CEP89: variants seen among roughly 807,000 people sequenced by gnomAD.
CEP89 encodes centrosomal protein of 89 kDa.
In CEP89, 95 loss-of-function variants were observed where a neutral mutation model predicts 97.6. That is an observed-to-expected ratio of 0.97 (90% CI 0.82 to 1.15). The LOEUF (loss-of-function observed/expected upper bound fraction) is 1.15, where lower values mean the gene tolerates loss of function less well. Among genes scored for constraint, CEP89 ranks in the 50% most tolerant of loss-of-function variants. The pLI is 0.00. For missense variants in CEP89, 869 were observed against 947.7 expected, an observed-to-expected ratio of 0.92 and a Z score of 1.09; for synonymous variants, 354 against 349.1, an observed-to-expected ratio of 1.01 and a Z score of -0.16.
At chr19:32,921,017 A>G (rs1467479904) in intron 12 of CEP89, among the ~76,000 whole-genome samples, 1 of 151,648 alleles carries the variant, frequency 6.6e-6, no homozygotes, top group African/African-American at 2.4e-5. Flanking sequence ...CAGGAGTTGG[A>G]GACCAGCCTG....
At chr19:32,946,507 T>C (rs1216585394) in intron 5 of CEP89, among the ~76,000 whole-genome samples, 2 of 152,150 alleles carry the variant, frequency 1.3e-5, no homozygotes, top group Non-Finnish European at 2.9e-5. Flanking sequence ...ACTCTCTAAA[T>C]TGTTAAAAAT....
At chr19:32,945,828 C>A (rs181483132) in intron 5 of CEP89, among the ~76,000 whole-genome samples, 8 of 152,128 alleles carry the variant, frequency 5.3e-5, no homozygotes, top group Admixed American at 1.3e-4. Flanking sequence ...GGGTGGCCAG[C>A]AACATGCAGT....
chr19:32,913,050 T>C (rs947719445), intron 14 of CEP89, among the ~76,000 whole-genome samples: 3 of 146,478 alleles, frequency 2.0e-5, no homozygotes, highest in African/African-American at 7.5e-5. Flanking sequence ...CAAAAAAAAT[T>C]AAAAAAAATT....
chr19:32,956,993 A>C (rs1367066302), intron 3 of CEP89, among the ~76,000 whole-genome samples: 2 of 152,192 alleles, frequency 1.3e-5, no homozygotes, highest in Non-Finnish European at 2.9e-5. Context: ...TAATACTGCT[A>C]ATCAATATAG....
At position 32,966,177 on chromosome 19, in the gene CEP89, C is replaced by T. The variant is rs189962007; in HGVS notation, c.146+183G>A. 5.7e-4 allele frequency: 228 copies of T among 401,598 alleles called. 1 individual carries two copies. Among genetic ancestry groups the T allele is most frequent in the African/African-American group, 4.4e-3 (214 of 48,726 alleles). 24.9% of individuals were successfully genotyped at this position (401,598 alleles called of 1,614,324 possible). On this transcript the variant is annotated intron_variant, in intron 2 of 18. Transcript: ENST00000305768. ...CACCTGAAAAGGAGAGACCTCAAGT[C>T]AGTCCATTATCCTCAGAGACACCAT...
intron 4 of CEP89, 40 bp downstream of exon 4, chr19:32,953,574 AG>A: frequency 6.7e-7 from 1 of 1,492,208 alleles, no homozygotes; most frequent in Non-Finnish European, 9.1e-7. Flanking sequence ...AGTTAACATC[AG>A]GGTGAATGTC....
At chr19:32,944,615 G>A (rs754741899) in intron 5 of CEP89, among the ~76,000 whole-genome samples, 33 of 152,182 alleles carry the variant, frequency 2.2e-4, no homozygotes, top group Admixed American at 9.2e-4. Flanking sequence ...AAGGCCTGGA[G>A]AGGTGTATCA....
At chr19:32,927,008 G>A in intron 9 of CEP89, 24 bp from the exon 10 acceptor site, 1 of 1,602,986 alleles carries the variant, frequency 6.2e-7, no homozygotes, top group East Asian at 2.2e-5. Context: ...ATGTATTGAA[G>A]ACAAGTTAAA....
intron 2 of CEP89, among the ~76,000 whole-genome samples, chr19:32,963,272 C>T (rs1343696943): frequency 1.3e-5 from 2 of 152,130 alleles, no homozygotes; most frequent in Non-Finnish European, 2.9e-5. Context: ...ATGAGAATCG[C>T]TTGAATCCAG....
At chr19:32,909,868 G>A (rs572935058) in intron 14 of CEP89, among the ~76,000 whole-genome samples, 1 of 152,290 alleles carries the variant, frequency 6.6e-6, no homozygotes, top group Admixed American at 6.5e-5. Flanking sequence ...GCAGACCTCT[G>A]AAGACCTTGG....
chr19:32,907,007 G>C (rs563302064), intron 14 of CEP89, among the ~76,000 whole-genome samples: 2 of 151,990 alleles, frequency 1.3e-5, no homozygotes, highest in East Asian at 3.9e-4. Flanking sequence ...CCTCACCCAG[G>C]ACTTTCTTAA....
At chr19:32,911,225 T>C (rs1322845997) in intron 14 of CEP89, among the ~76,000 whole-genome samples, 2 of 152,238 alleles carry the variant, frequency 1.3e-5, no homozygotes, top group Non-Finnish European at 2.9e-5. Flanking sequence ...CATTGTTATG[T>C]GGTACATGGC....
At position 32,878,954 on chromosome 19, in the gene CEP89, C is replaced by G; in HGVS notation, c.*208G>C. On this transcript the variant is annotated 3_prime_UTR_variant, in exon 19 of 19. Transcript: ENST00000305768. Reference sequence around the variant, plus strand: ...TCCAGCATGGGCAACAGAGTGAGACCCTAGCTCTAAAAAAAAAAAAAAATT... The same window carrying G: ...TCCAGCATGGGCAACAGAGTGAGACGCTAGCTCTAAAAAAAAAAAAAAATT... 1 of 433,220 alleles carries G rather than the reference C, an allele frequency of 2.3e-6. No individual in the cohort carries two copies. The highest frequency in any genetic ancestry group is 3.4e-5 in the East Asian group (1 of 29,824). 26.8% of individuals were successfully genotyped at this position (433,220 alleles called of 1,614,324 possible).
At chr19:32,892,091 A>AATAT (rs143314876) in intron 16 of CEP89, among the ~76,000 whole-genome samples, 4 of 139,082 alleles carry the variant, frequency 2.9e-5, no homozygotes, top group South Asian at 4.4e-4. Context: ...CAGAATTCTA[A>AATAT]ATATATATAT....
At position 32,942,059 on chromosome 19, in the gene CEP89, C is replaced by T. The variant is rs945232083; in HGVS notation, c.596-2174G>A. On this transcript the variant is annotated intron_variant, in intron 5 of 18. Transcript: ENST00000305768. The stretch of plus-strand genomic sequence containing the variant: ...TCTTCACAAAATAAAATTGGGGGAG[C>T]AGGGAGTTACATGAAATAGAATGGC... Among the ~76,000 whole-genome samples the T allele has an allele frequency of 1.4e-4, 21 of 152,184 alleles. No individual in the cohort carries two copies. The South Asian group carries it at 2.7e-3, about 20-fold the overall frequency.
At chr19:32,897,122 A>T (rs540042359) in intron 16 of CEP89, among the ~76,000 whole-genome samples, 1 of 152,350 alleles carries the variant, frequency 6.6e-6, no homozygotes, top group South Asian at 2.1e-4. Flanking sequence ...CAGGAAGTAG[A>T]TTCCAAAGAA....
chr19:32,954,433 T>C (rs1415255473), intron 3 of CEP89, among the ~76,000 whole-genome samples: 1 of 151,770 alleles, frequency 6.6e-6, no homozygotes, highest in Non-Finnish European at 1.5e-5. Flanking sequence ...GGTGCAATCA[T>C]GGTTCACTGT....
intron 13 of CEP89, 124 bp downstream of exon 13, chr19:32,918,100 A>G: frequency 1.3e-6 from 1 of 769,682 alleles, no homozygotes; most frequent in Non-Finnish European, 2.2e-6. Context: ...GCCACATTCC[A>G]GTCAAAAATG....
rs146557585 is a variant in CEP89, at chr19:32,891,821, G to A, written c.1876-3980C>T. Among the ~76,000 whole-genome samples the A allele has an allele frequency of 1.1e-4, 16 of 150,774 alleles. 1 individual carries two copies. The East Asian group carries it at 3.1e-3, about 29-fold the overall frequency. On this transcript the variant is annotated intron_variant, in intron 16 of 18. Coordinates refer to ENST00000305768, the MANE Select transcript of CEP89 (RefSeq NM_032816.5). ...CTCAGTGAGATGAAAGAGAGAGAGA[G>A]AGAAAGAGAGAGAGAAACAGAGAGA...
Sources: allele counts gnomAD v4.1 joint callset (sites outside exome capture counted in the v4.1 genomes callset), GRCh38; gene constraint gnomAD v4.1.1; transcripts MANE v1.5; gene names NCBI Gene and HGNC (gene_info 2026-07-23, HGNC 2026-07-21).